The following STX8 variants were observed in gnomAD, a reference collection of about 807,000 sequenced individuals.
STX8 encodes syntaxin-8.
In STX8, 23 loss-of-function variants were observed where a neutral mutation model predicts 37.5. That is an observed-to-expected ratio of 0.61 (90% confidence interval 0.44 to 0.87). STX8 has a LOEUF of 0.87. Among genes scored for constraint, STX8 ranks in the 40% least tolerant of loss-of-function variants. STX8 has a pLI of 0.00. For synonymous variants in STX8, 115 were observed against 99.1 expected, an observed-to-expected ratio of 1.16 and a Z score of -0.95; for missense variants, 313 against 284.7, an observed-to-expected ratio of 1.10 and a Z score of -0.71.
At chr17:9,473,229 G>C (rs1464680344) in intron 6 of STX8, among the ~76,000 whole-genome samples, 3 of 151,966 alleles carry the variant, frequency 2.0e-5, no homozygotes, top group Non-Finnish European at 2.9e-5. Flanking sequence ...ATGTTGGCCA[G>C]GCTGGTCTCG....
In STX8 at chr17:9,315,293, CAA is replaced by C. The variant is rs60423823; in HGVS notation, c.643+63257_643+63258del. On this transcript the variant is annotated intron_variant, in intron 7 of 7. Coordinates refer to ENST00000306357, the MANE Select transcript of STX8 (RefSeq NM_004853.3). The stretch of plus-strand genomic sequence containing the variant: ...CTAAGAGTTAAAAAAACAAAAACAA[CAA>C]AAAAAAAAAACAAGCAGCCCTTTTG... Among the ~76,000 whole-genome samples the C allele has an allele frequency of 3.2e-3, 410 of 128,840 alleles. 1 individual carries two copies. The highest frequency in any genetic ancestry group is 0.015 in the African/African-American group (390 of 26,072). The allele number at this position is 128,840 out of a possible 152,430, so 84.5% of individuals were successfully genotyped here.
intron 5 of STX8, among the ~76,000 whole-genome samples, chr17:9,502,699 C>T (rs1904663571): frequency 6.6e-6 from 1 of 152,106 alleles, no homozygotes; most frequent in Admixed American, 6.5e-5. Context: ...CTAATAGCAG[C>T]TTTCTTTGTA....
At chr17:9,375,243 A>G (rs1293143561) in intron 7 of STX8, among the ~76,000 whole-genome samples, 1 of 152,126 alleles carries the variant, frequency 6.6e-6, no homozygotes, top group Admixed American at 6.6e-5. Flanking sequence ...TAAAATATGG[A>G]CACAAGTTTT....
intron 4 of STX8, among the ~76,000 whole-genome samples, chr17:9,531,334 C>T (rs1905811226): frequency 6.6e-6 from 1 of 152,184 alleles, no homozygotes; most frequent in Non-Finnish European, 1.5e-5. Flanking sequence ...TGGCTGGGGA[C>T]TGTAAGTGGG....
chr17:9,312,496 T>C (rs73267904), intron 7 of STX8, among the ~76,000 whole-genome samples: 12,072 of 152,204 alleles, frequency 0.079, 1,533 homozygotes, highest in African/African-American at 0.27. Context: ...CCACCGCGTC[T>C]GGCAAGCATG....
chr17:9,327,751 C>T (rs1248469439), intron 7 of STX8, among the ~76,000 whole-genome samples: 1 of 152,186 alleles, frequency 6.6e-6, no homozygotes, highest in Non-Finnish European at 1.5e-5. Flanking sequence ...TCACGGCTCA[C>T]TGCAGCCTCC....
chr17:9,413,133 C>T (rs532365504), intron 6 of STX8, among the ~76,000 whole-genome samples: 1 of 152,296 alleles, frequency 6.6e-6, no homozygotes, highest in Admixed American at 6.5e-5. Flanking sequence ...TGCAATAGCA[C>T]TGAGATGTAA....
chr17:9,534,310 T>C (rs1905940615), intron 4 of STX8, among the ~76,000 whole-genome samples: 1 of 151,632 alleles, frequency 6.6e-6, no homozygotes, highest in Non-Finnish European at 1.5e-5. Flanking sequence ...AAGACGTTAC[T>C]GAAAGACCTG....
chr17:9,340,649 A>ATTTTTTTTTTTTTTTTTTTTTTT (rs66679333), intron 7 of STX8, among the ~76,000 whole-genome samples: 2 of 62,112 alleles, frequency 3.2e-5, no homozygotes, highest in Non-Finnish European at 5.4e-5. Context: ...GTTGCACTTG[A>ATTTTTTTTTTTTTTTTTTTTTTT]TTTTTTTTTT....
chr17:9,255,912 G>A (rs564089508), intron 7 of STX8, among the ~76,000 whole-genome samples: 1 of 152,312 alleles, frequency 6.6e-6, no homozygotes, highest in African/African-American at 2.4e-5. Context: ...TAAGAAGTTT[G>A]GCTTTCTTCG....
At chr17:9,470,677 G>A (rs1384429150) in intron 6 of STX8, among the ~76,000 whole-genome samples, 1 of 152,082 alleles carries the variant, frequency 6.6e-6, no homozygotes, top group Non-Finnish European at 1.5e-5. Context: ...AGTCATATTT[G>A]GTGTAGGCCT....
At chr17:9,409,242 T>G (rs1912903258) in intron 6 of STX8, among the ~76,000 whole-genome samples, 1 of 152,186 alleles carries the variant, frequency 6.6e-6, no homozygotes. Context: ...GGTTTCTGCC[T>G]TCCCCCGTGG....
intron 6 of STX8, among the ~76,000 whole-genome samples, chr17:9,396,569 G>A (rs1281161905): frequency 6.6e-6 from 1 of 152,058 alleles, no homozygotes; most frequent in Non-Finnish European, 1.5e-5. Flanking sequence ...AATTAGCCGG[G>A]CATGGTGGCG....
chr17:9,418,921 T>A (rs11657744), intron 6 of STX8, among the ~76,000 whole-genome samples: 1 of 143,094 alleles, frequency 7.0e-6, no homozygotes, highest in Non-Finnish European at 1.5e-5. Context: ...TCTTTTTTTT[T>A]CTTTTTTTTT....
intron 2 of STX8, among the ~76,000 whole-genome samples, chr17:9,564,582 A>G (rs963966200): frequency 1.3e-5 from 2 of 152,226 alleles, no homozygotes; most frequent in Non-Finnish European, 2.9e-5. Flanking sequence ...CCAAGGGCCA[A>G]ATCAGGAATG....
intron 7 of STX8, among the ~76,000 whole-genome samples, chr17:9,321,926 G>A (rs1197989234): frequency 1.3e-5 from 2 of 152,194 alleles, no homozygotes; most frequent in South Asian, 2.1e-4. Flanking sequence ...GAAGAGATGG[G>A]GCAGGGGCCA....
intron 7 of STX8, among the ~76,000 whole-genome samples, chr17:9,276,020 T>TAC (rs1189423305): frequency 6.6e-6 from 1 of 152,166 alleles, no homozygotes; most frequent in Non-Finnish European, 1.5e-5. Flanking sequence ...ATGGTGTGCC[T>TAC]ACAGCCCCTT....
Position 9,471,915 on chromosome 17 carries a change from G to A in STX8, c.541+19914C>T, listed in dbSNP as rs535939611. ...ATGAGGATAACTACAGTCCATTCCC[G>A]CTATTCACAGTAATTATGTTCCATA... On this transcript the variant is annotated intron_variant, in intron 6 of 7. Coordinates refer to ENST00000306357, the MANE Select transcript of STX8 (RefSeq NM_004853.3). 9.2e-5 allele frequency among the ~76,000 whole-genome samples: 14 copies of A among 152,052 alleles called. No homozygotes were observed. The South Asian group carries it at 2.3e-3, about 25-fold the overall frequency.
intron 6 of STX8, among the ~76,000 whole-genome samples, chr17:9,487,611 G>A (rs1479340632): frequency 2.0e-5 from 3 of 151,998 alleles, no homozygotes; most frequent in South Asian, 2.1e-4. Context: ...CCTTCTCTCC[G>A]GGAGGCCACC....
Sources: gnomAD v4.1 joint callset for allele counts (sites outside exome capture counted in the v4.1 genomes callset) on GRCh38, gnomAD v4.1.1 for gene constraint, MANE v1.5 for transcripts, NCBI Gene and HGNC (gene_info 2026-07-23, HGNC 2026-07-21) for gene names.